GRID2: variants seen among roughly 807,000 people sequenced by gnomAD.
The protein encoded by GRID2 is glutamate ionotropic receptor delta type subunit 2, also known as glutamate receptor ionotropic, delta-2.
Under a neutral mutation model 114.8 loss-of-function variants are expected in GRID2, and 33 were observed. That is an observed-to-expected ratio of 0.29 (90% CI 0.22 to 0.38). The LOEUF (loss-of-function observed/expected upper bound fraction) is 0.38, where lower values mean the gene tolerates loss of function less well. Among genes scored for constraint, GRID2 ranks in the 10% least tolerant of loss-of-function variants. The pLI, the probability that GRID2 is intolerant of heterozygous loss-of-function variation, is 1.00. For missense variants in GRID2, 1,184 were observed against 1,257.7 expected, an observed-to-expected ratio of 0.94 and a Z score of 0.89; for synonymous variants, 505 against 449.9, an observed-to-expected ratio of 1.12 and a Z score of -1.55.
At chr4:93,471,941 C>T (rs1724874480) in intron 11 of GRID2, among the ~76,000 whole-genome samples, 1 of 148,222 alleles carries the variant, frequency 6.7e-6, no homozygotes, top group South Asian at 2.2e-4. Context: ...CTCAGGTGGT[C>T]CGCCTGCCTT....
At chr4:92,571,120 C>T (rs957738741) in intron 1 of GRID2, among the ~76,000 whole-genome samples, 3 of 151,978 alleles carry the variant, frequency 2.0e-5, no homozygotes, top group Non-Finnish European at 4.4e-5. Context: ...AGGTATGTTC[C>T]TTCAATACAT....
At chr4:93,685,008 T>C (rs113599178) in intron 14 of GRID2, among the ~76,000 whole-genome samples, 63 of 152,172 alleles carry the variant, frequency 4.1e-4, no homozygotes, top group African/African-American at 1.5e-3. Flanking sequence ...ATGGCAAATC[T>C]GTGGGAGTAT....
chr4:92,950,381 T>C lies in GRID2; in HGVS notation c.245-134614T>C, dbSNP rs189797176. On this transcript the variant is annotated intron_variant, in intron 2 of 15. Transcript: ENST00000282020. ...CAAAGACAGTGTAAATTATGGAGGA[T>C]TTATGTACTATGGTAATAAATTAAG... Among the ~76,000 whole-genome samples, 7 of 152,248 alleles carry C rather than the reference T, an allele frequency of 4.6e-5. No homozygotes were observed. In the East Asian group the frequency reaches 9.7e-4, roughly 21 times the overall value.
chr4:92,329,771 T>C (rs1213652068), intron 1 of GRID2, among the ~76,000 whole-genome samples: 1 of 151,924 alleles, frequency 6.6e-6, no homozygotes, highest in Non-Finnish European at 1.5e-5. Flanking sequence ...TATGGAGGTC[T>C]ATGAAGAAAA....
chr4:92,833,495 C>A (rs1257150372), intron 2 of GRID2, among the ~76,000 whole-genome samples: 1 of 152,052 alleles, frequency 6.6e-6, no homozygotes, highest in Non-Finnish European at 1.5e-5. Flanking sequence ...ACTTGATGAT[C>A]TTTCTTTCTC....
At chr4:92,951,416 A>G (rs1007851377) in intron 2 of GRID2, among the ~76,000 whole-genome samples, 1 of 151,812 alleles carries the variant, frequency 6.6e-6, no homozygotes, top group South Asian at 2.1e-4. Flanking sequence ...TGGCGCAGTC[A>G]CACCTCGCTG....
chr4:92,814,222 A>C (rs773503375), intron 2 of GRID2, among the ~76,000 whole-genome samples: 7 of 152,110 alleles, frequency 4.6e-5, no homozygotes, highest in African/African-American at 7.2e-5. Context: ...TGTATGTGGT[A>C]GTCAGAGGCC....
chr4:92,592,044 T>A (rs995412359), intron 2 of GRID2, among the ~76,000 whole-genome samples: 48 of 151,952 alleles, frequency 3.2e-4, no homozygotes, highest in African/African-American at 1.1e-3. Context: ...AAAAGCAGTA[T>A]AAATTAATAT....
At position 92,602,655 on chromosome 4, in the gene GRID2, G is replaced by A. The variant is rs1729271493; in HGVS notation, c.244+12369G>A. On this transcript the variant is annotated intron_variant, in intron 2 of 15. Transcript: ENST00000282020. ...TTGAAAACTCGCACAAAACAAGGAT[G>A]CCCTGTCTCACGACTCCTATTCAAC... 1.3e-5 allele frequency among the ~76,000 whole-genome samples: 2 copies of A among 152,138 alleles called. 1 individual carries two copies. Among genetic ancestry groups the A allele is most frequent in the South Asian group, 4.1e-4 (2 of 4,832 alleles).
intron 2 of GRID2, among the ~76,000 whole-genome samples, chr4:92,783,217 A>G (rs1739167102): frequency 6.6e-6 from 1 of 152,084 alleles, no homozygotes; most frequent in Non-Finnish European, 1.5e-5. Context: ...AATTTGGAAT[A>G]GCTATGTTGT....
intron 2 of GRID2, among the ~76,000 whole-genome samples, chr4:92,626,522 G>A (rs1268273922): frequency 6.6e-6 from 1 of 151,994 alleles, no homozygotes; most frequent in African/African-American, 2.4e-5. Flanking sequence ...GACTTTAGAT[G>A]GAGTGTGGAG....
chr4:92,760,237 C>CAA (rs982301426), intron 2 of GRID2, among the ~76,000 whole-genome samples: 1,955 of 37,930 alleles, frequency 0.052, 62 homozygotes, highest in Middle Eastern at 0.12. Context: ...GACTCTGTCT[C>CAA]AAAAAAAAAA....
intron 2 of GRID2, among the ~76,000 whole-genome samples, chr4:92,962,016 G>A (rs1267028021): frequency 6.6e-6 from 1 of 151,464 alleles, no homozygotes; most frequent in Non-Finnish European, 1.5e-5. Context: ...ATTTCTTTTT[G>A]TTTCTGTCTG....
intron 1 of GRID2, among the ~76,000 whole-genome samples, chr4:92,413,916 C>G (rs1354184552): frequency 2.0e-5 from 3 of 151,622 alleles, no homozygotes; most frequent in African/African-American, 7.3e-5. Flanking sequence ...ATGGGGTTGA[C>G]AGAGGATTTT....
At chr4:93,519,743 A>C (rs1215829629) in intron 13 of GRID2, among the ~76,000 whole-genome samples, 1 of 152,188 alleles carries the variant, frequency 6.6e-6, no homozygotes, top group Non-Finnish European at 1.5e-5. Flanking sequence ...TTCCAAGGGG[A>C]TGTACACTCA....
chr4:92,375,083 G>T (rs1729291580), intron 1 of GRID2, among the ~76,000 whole-genome samples: 1 of 152,104 alleles, frequency 6.6e-6, no homozygotes, highest in South Asian at 2.1e-4. Context: ...AGTTTTAAAT[G>T]TGTATCAGGA....
rs150309199 is a variant in GRID2, at chr4:93,605,850, C to T, written c.2194-20419C>T. Among the ~76,000 whole-genome samples the T allele has an allele frequency of 1.7e-3, 263 of 152,180 alleles. 1 individual carries two copies. The highest frequency in any genetic ancestry group is 2.8e-3 in the Non-Finnish European group (193 of 68,000). ...CTGCTTTAGGAGTAAATACAAGGTG[C>T]GATAGGATCATATAAGGGGACACTA... On this transcript the variant is annotated intron_variant, in intron 13 of 15. Transcript: ENST00000282020.
At chr4:93,077,489 T>C (rs958297127) in intron 2 of GRID2, among the ~76,000 whole-genome samples, 1 of 152,158 alleles carries the variant, frequency 6.6e-6, no homozygotes, top group Non-Finnish European at 1.5e-5. Context: ...CAGTTTCAAA[T>C]CCAAGAAGTT....
intron 1 of GRID2, among the ~76,000 whole-genome samples, chr4:92,536,522 A>G (rs931787253): frequency 2.6e-5 from 4 of 152,224 alleles, no homozygotes; most frequent in Non-Finnish European, 4.4e-5. Context: ...CACAACTTAC[A>G]TAAGTGCTTA....
Sources: gnomAD v4.1 joint callset for allele counts (sites outside exome capture counted in the v4.1 genomes callset) on GRCh38, gnomAD v4.1.1 for gene constraint, MANE v1.5 for transcripts, NCBI Gene and HGNC (gene_info 2026-07-23, HGNC 2026-07-21) for gene names.